Variants in ZNF577 observed in about 807,000 individuals in gnomAD.
ZNF577 encodes zinc finger protein 577.
Under a neutral mutation model 13.9 loss-of-function variants are expected in ZNF577, and 14 were observed. That is an observed-to-expected ratio of 1.00 (90% CI 0.66 to 1.57). ZNF577 has a LOEUF of 1.57. ZNF577 is among the 40% of genes most tolerant of loss of function. The pLI, the probability that ZNF577 is intolerant of heterozygous loss-of-function variation, is 0.00. For synonymous variants in ZNF577, 203 were observed against 202.9 expected (o/e 1.00, Z 0.00); for missense variants, 555 against 579.2 (o/e 0.96, Z 0.43).
At chr19:51,805,806 A>T (rs1025533980) in intron 10 of ZNF577, among the ~76,000 whole-genome samples, 1 of 152,172 alleles carries the variant, frequency 6.6e-6, no homozygotes, top group Admixed American at 6.5e-5. Flanking sequence ...GATAGCAAAA[A>T]TTATCATGCC....
In ZNF577 at chr19:51,873,043, T is replaced by C; in HGVS notation, c.947A>G (p.His316Arg). The C allele has an allele frequency of 6.2e-7, 1 of 1,614,226 alleles. No homozygotes were observed. The highest frequency in any genetic ancestry group is 1.1e-5 in the South Asian group (1 of 91,084). Residue 316 changes from histidine to arginine, a missense_variant, in exon 6 of 6, where the codon CAT becomes CGT. By Grantham distance (29) the His-to-Arg change is conservative. Coordinates refer to ENST00000638348, the MANE Select transcript of ZNF577 (RefSeq NM_001370449.1). ...TTTCTCTCCCGTATGAATCCTCTGATGTCTGGTCAGGTCTGACTTAAAATA... is the reference window on the plus strand; with the variant it reads ...TTTCTCTCCCGTATGAATCCTCTGACGTCTGGTCAGGTCTGACTTAAAATA... ...TFYFKSDLTR[H>R]QRIHTGEKPY...
intron 1 of ZNF577, among the ~76,000 whole-genome samples, chr19:51,882,639 C>T (rs1334766415): frequency 6.6e-6 from 1 of 151,928 alleles, no homozygotes; most frequent in Non-Finnish European, 1.5e-5. Flanking sequence ...TAAAAATTTG[C>T]CAGGCATGGT....
At chr19:51,808,993 G>A (rs7253728) in intron 10 of ZNF577, among the ~76,000 whole-genome samples, 18,058 of 152,132 alleles carry the variant, frequency 0.12, 1,326 homozygotes, top group South Asian at 0.28. Flanking sequence ...AATGACCCTC[G>A]TCAGAAATCC....
At chr19:51,882,594 C>A (rs576856641) in intron 1 of ZNF577, among the ~76,000 whole-genome samples, 1 of 151,872 alleles carries the variant, frequency 6.6e-6, no homozygotes, top group African/African-American at 2.4e-5. Context: ...CCAGCCTGGG[C>A]AACATACCAA....
Position 51,881,865 on chromosome 19 carries a change from A to T in ZNF577, c.-218-988T>A, listed in dbSNP as rs540516667. Among the ~76,000 whole-genome samples the T allele has an allele frequency of 5.9e-5, 9 of 152,262 alleles. 1 individual carries two copies. In the South Asian group the frequency reaches 1.7e-3, roughly 28 times the overall value. On this transcript the variant is annotated intron_variant, in intron 1 of 5. Coordinates refer to ENST00000638348, the MANE Select transcript of ZNF577 (RefSeq NM_001370449.1). ...CAGTCTCCCCAAGAACCACTCTAGA[A>T]ACTCACACTCTGAGAACACCCACAC...
At chr19:51,835,136 G>C (rs1230451540) in intron 9 of ZNF577, among the ~76,000 whole-genome samples, 1 of 151,934 alleles carries the variant, frequency 6.6e-6, no homozygotes, top group Non-Finnish European at 1.5e-5. Flanking sequence ...GTTATGTTAA[G>C]ATATCAATAA....
chr19:51,825,007 C>A, intron 9 of ZNF577: 1 of 575,794 alleles, frequency 1.7e-6, no homozygotes, highest in Non-Finnish European at 3.2e-6. Context: ...CAATTAAATT[C>A]CAACACTATC....
intron 3 of ZNF577, among the ~76,000 whole-genome samples, chr19:51,879,761 A>G (rs1481047985): frequency 6.6e-6 from 1 of 152,142 alleles, no homozygotes; most frequent in Non-Finnish European, 1.5e-5. Context: ...AAAAGGGTGA[A>G]AGGAGATACT....
chr19:51,810,682 A>G lies in ZNF577; in HGVS notation c.*817+775T>C, dbSNP rs7246521. On this transcript the variant is annotated intron_variant and NMD_transcript_variant, in intron 10 of 10. Transcript: ENST00000638827. Reference sequence around the variant, plus strand: ...TCAGATATGCACTAGTGGACAAGCAAGTTCGCATCAAGTGTCTCACATCAA... The same window carrying G: ...TCAGATATGCACTAGTGGACAAGCAGGTTCGCATCAAGTGTCTCACATCAA... 6.8e-3 allele frequency among the ~76,000 whole-genome samples: 1,036 copies of G among 152,336 alleles called. 11 individuals carry two copies. The highest frequency in any genetic ancestry group is 0.023 in the African/African-American group (964 of 41,568).
At chr19:51,886,765 G>C (rs1357531119) in intron 1 of ZNF577, 56 bp downstream of exon 1, 1 of 152,060 alleles carries the variant, frequency 6.6e-6, no homozygotes, top group Non-Finnish European at 1.5e-5. Flanking sequence ...CCATGAAAAA[G>C]AAACTATGAC....
In ZNF577 at chr19:51,815,880, A is replaced by AAAAAAG. The variant is rs2084132546; in HGVS notation, c.*600-4212_*600-4207dup. ...CTGTCTCAAAAAAAAAAGAAAAAAG[A>AAAAAAG]AAAAAGAAAAAGAAGAAGAAAAAGA... On this transcript the variant is annotated intron_variant and NMD_transcript_variant, in intron 9 of 10. Transcript: ENST00000638827. Among the ~76,000 whole-genome samples the AAAAAAG allele has an allele frequency of 2.8e-5, 4 of 144,242 alleles. No individual in the cohort carries two copies. In the South Asian group the frequency reaches 8.3e-4, roughly 30 times the overall value. The allele number at this position is 144,242 out of a possible 152,430, so 94.6% of individuals were successfully genotyped here. A position where few individuals can be genotyped will look rare whatever the true frequency, so the allele number is the denominator to read the frequency against.
chr19:51,864,868 C>A (rs1308155534), downstream of ZNF577, among the ~76,000 whole-genome samples: 1 of 152,146 alleles, frequency 6.6e-6, no homozygotes, highest in Non-Finnish European at 1.5e-5. Context: ...CCCTCCAACT[C>A]TGAAGGCTTT....
Position 51,886,841 on chromosome 19 carries a change from G to C in ZNF577, c.-239C>G, listed in dbSNP as rs556591063. ...CGTACCCAAGTCAGAGGCAGAGGCAGGTACTTCTTACTCCACAGTCCATAC... is the reference window on the plus strand; with the variant it reads ...CGTACCCAAGTCAGAGGCAGAGGCACGTACTTCTTACTCCACAGTCCATAC... On this transcript the variant is annotated 5_prime_UTR_variant, in exon 1 of 6. Transcript: ENST00000638348. 6.6e-6 allele frequency: 1 copy of C among 152,258 alleles called. No individual in the cohort carries two copies. The highest frequency in any genetic ancestry group is 2.1e-4 in the South Asian group (1 of 4,824). 9.4% of individuals were successfully genotyped at this position (152,258 alleles called of 1,614,324 possible). A position where few individuals can be genotyped will look rare whatever the true frequency, so the allele number is the denominator to read the frequency against.
At chr19:51,866,806 A>C (rs1217837301), downstream of ZNF577, among the ~76,000 whole-genome samples, 2 of 152,106 alleles carry the variant, frequency 1.3e-5, no homozygotes, top group Admixed American at 1.3e-4. Flanking sequence ...AAATGGTGAA[A>C]TCCCATCTCT....
chr19:51,816,064 T>TAA (rs200656360), intron 9 of ZNF577, among the ~76,000 whole-genome samples: 86 of 139,162 alleles, frequency 6.2e-4, no homozygotes, highest in African/African-American at 1.9e-3. Context: ...GAGATCCTAT[T>TAA]AAAAAAAAAA....
At chr19:51,881,042 T>G (rs77458785) in intron 1 of ZNF577, among the ~76,000 whole-genome samples, 165 bp from the exon 2 acceptor site, 16,914 of 152,226 alleles carry the variant, frequency 0.11, 1,010 homozygotes, top group East Asian at 0.22. Context: ...GAGGAAGATA[T>G]GGAATGTGCA....
chr19:51,834,722 C>T (rs1245264152), intron 9 of ZNF577, among the ~76,000 whole-genome samples: 1 of 151,986 alleles, frequency 6.6e-6, no homozygotes, highest in Non-Finnish European at 1.5e-5. Flanking sequence ...CTTGCTCTGT[C>T]ACTCAAGCTG....
chr19:51,837,040 T>A (rs1313891317), intron 9 of ZNF577, among the ~76,000 whole-genome samples: 1 of 116,222 alleles, frequency 8.6e-6, no homozygotes. Context: ...TGAGACTCTG[T>A]CTCAAAAAAA....
chr19:51,804,969 T>C (rs2084048519), exon 11 of ZNF577: 1 of 152,164 alleles, frequency 6.6e-6, no homozygotes, highest in South Asian at 2.1e-4. Flanking sequence ...AAGACTGCAT[T>C]CTCTAGATGT....
Sources: gnomAD v4.1 joint callset for allele counts (sites outside exome capture counted in the v4.1 genomes callset) on GRCh38, gnomAD v4.1.1 for gene constraint, MANE v1.5 for transcripts, NCBI Gene and HGNC (gene_info 2026-07-23, HGNC 2026-07-21) for gene names.